The following DPYD variants were observed in gnomAD, a reference collection of about 807,000 sequenced individuals.
DPYD encodes the protein dihydropyrimidine dehydrogenase [NADP(+)].
A neutral mutation model predicts 116.2 loss-of-function variants in DPYD; 109 were observed. The observed-to-expected ratio is 0.94, with a 90% CI of 0.80 to 1.10. DPYD has a LOEUF of 1.10. Ranked by LOEUF, DPYD falls within the 50% of genes least tolerant of loss-of-function variation. The pLI is 0.00. For missense variants in DPYD, 1,302 were observed against 1,254.5 expected (o/e 1.04, Z -0.57); for synonymous variants, 440 against 432.0 (o/e 1.02, Z -0.23).
At chr1:97,116,977 C>G (rs977574158) in intron 20 of DPYD, among the ~76,000 whole-genome samples, 2 of 139,664 alleles carry the variant, frequency 1.4e-5, no homozygotes, top group Middle Eastern at 3.8e-3. Flanking sequence ...GGCGAAACCC[C>G]ATGTCTACTA....
rs76954447 is a variant in DPYD at position 97,532,828 on chromosome 1, C to A, written c.1524+16732G>T. 4.9e-3 allele frequency among the ~76,000 whole-genome samples: 731 copies of A among 149,030 alleles called. 9 individuals carry two copies. Among genetic ancestry groups the A allele is most frequent in the African/African-American group, 0.017 (687 of 40,738 alleles). On this transcript the variant is annotated intron_variant, in intron 12 of 22. Coordinates refer to ENST00000370192, the MANE Select transcript of DPYD (RefSeq NM_000110.4). Reference sequence around the variant, plus strand: ...AATTCTTAATTTTGTTGATTTTGTTCTATTGTATTTTTATTCATTTTATCA... The same window carrying A: ...AATTCTTAATTTTGTTGATTTTGTTATATTGTATTTTTATTCATTTTATCA...
chr1:97,361,191 C>G (rs1670705745), intron 16 of DPYD, among the ~76,000 whole-genome samples: 1 of 152,174 alleles, frequency 6.6e-6, no homozygotes, highest in South Asian at 2.1e-4. Flanking sequence ...ACCAAGTAAA[C>G]TAGAAAATCT....
At chr1:97,610,112 A>T (rs1270234864) in intron 8 of DPYD, among the ~76,000 whole-genome samples, 1 of 151,984 alleles carries the variant, frequency 6.6e-6, no homozygotes, top group African/African-American at 2.4e-5. Context: ...TTTCTACATG[A>T]AGGATTCTGC....
At chr1:97,411,362 C>T (rs1673983839) in intron 14 of DPYD, among the ~76,000 whole-genome samples, 1 of 152,032 alleles carries the variant, frequency 6.6e-6, no homozygotes, top group South Asian at 2.1e-4. Context: ...TGCTCTCCTT[C>T]CTCCCACTTT....
At position 97,655,784 on chromosome 1, in the gene DPYD, T is replaced by C. The variant is rs1478867345; in HGVS notation, c.850+23311A>G. ...AAAAACTGTACACATTTGATATAAA[T>C]TTGAATGAACTCATGTTAGCTTGTG... On this transcript the variant is annotated intron_variant, in intron 8 of 22. Transcript: ENST00000370192. 2.0e-5 allele frequency among the ~76,000 whole-genome samples: 3 copies of C among 152,190 alleles called. No individual in the cohort carries two copies. The East Asian group carries it at 5.8e-4, about 29-fold the overall frequency.
chr1:97,229,946 G>A (rs1441325901), intron 19 of DPYD, among the ~76,000 whole-genome samples: 1 of 151,722 alleles, frequency 6.6e-6, no homozygotes, highest in African/African-American at 2.4e-5. Context: ...TCACAATTCT[G>A]GTAAAAACAA....
chr1:97,809,104 T>G (rs1350397281), intron 3 of DPYD, among the ~76,000 whole-genome samples: 1 of 152,232 alleles, frequency 6.6e-6, no homozygotes, highest in African/African-American at 2.4e-5. Context: ...TAAGTGCAGT[T>G]TGAAATCACT....
chr1:97,438,188 A>G (rs1366399082), intron 14 of DPYD, among the ~76,000 whole-genome samples: 2 of 151,970 alleles, frequency 1.3e-5, no homozygotes, highest in Non-Finnish European at 2.9e-5. Flanking sequence ...GTTCTTTATC[A>G]ATTGTTTTGT....
At chr1:97,779,695 T>C (rs1666624837) in intron 3 of DPYD, among the ~76,000 whole-genome samples, 1 of 152,140 alleles carries the variant, frequency 6.6e-6, no homozygotes, top group Non-Finnish European at 1.5e-5. Context: ...ATCAAGTATA[T>C]AAGAAATCAT....
chr1:97,914,684 G>T (rs547819924), intron 1 of DPYD, among the ~76,000 whole-genome samples: 49 of 152,232 alleles, frequency 3.2e-4, no homozygotes, highest in African/African-American at 1.0e-3. Context: ...TGTACCATCT[G>T]AAACTTACAC....
intron 10 of DPYD, chr1:97,585,733 A>G (rs1237456615): frequency 2.0e-5 from 3 of 152,188 alleles, no homozygotes; most frequent in Non-Finnish European, 4.4e-5. Context: ...TTATAGGACA[A>G]GAAAAGATAT....
chr1:97,259,338 C>G (rs1663718364), intron 18 of DPYD, among the ~76,000 whole-genome samples: 1 of 152,070 alleles, frequency 6.6e-6, no homozygotes, highest in Non-Finnish European at 1.5e-5. Flanking sequence ...CTCCTTTCCT[C>G]TCTTAACAGC....
At chr1:97,088,730 A>T (rs565379040) in intron 21 of DPYD, among the ~76,000 whole-genome samples, 1 of 152,286 alleles carries the variant, frequency 6.6e-6, no homozygotes, top group African/African-American at 2.4e-5. Flanking sequence ...ATTCCAGACA[A>T]GATACACCTT....
chr1:97,512,859 G>C (rs780717344), intron 13 of DPYD, among the ~76,000 whole-genome samples: 1 of 151,654 alleles, frequency 6.6e-6, no homozygotes, highest in Non-Finnish European at 1.5e-5. Context: ...AACATAAATA[G>C]AATCTCAAGA....
intron 8 of DPYD, among the ~76,000 whole-genome samples, chr1:97,619,680 A>C (rs930978881): frequency 6.6e-6 from 1 of 152,184 alleles, no homozygotes; most frequent in African/African-American, 2.4e-5. Context: ...ACTTTGAAAA[A>C]TGTTAGTTTT....
chr1:97,726,676 G>C (rs1663281939), intron 4 of DPYD, among the ~76,000 whole-genome samples: 1 of 151,226 alleles, frequency 6.6e-6, no homozygotes, highest in East Asian at 1.9e-4. Context: ...AATGTGATCT[G>C]CAATTGGTAG....
At chr1:97,207,650 A>G (rs568177868) in intron 19 of DPYD, among the ~76,000 whole-genome samples, 71 of 152,322 alleles carry the variant, frequency 4.7e-4, no homozygotes, top group African/African-American at 1.4e-3. Flanking sequence ...AATCCAATAT[A>G]TACAATGTTC....
At chr1:97,883,035 T>G (rs1672305983) in intron 2 of DPYD, among the ~76,000 whole-genome samples, 1 of 152,094 alleles carries the variant, frequency 6.6e-6, no homozygotes, top group Non-Finnish European at 1.5e-5. Flanking sequence ...ATTATGAATT[T>G]TCAGATTTGG....
intron 10 of DPYD, among the ~76,000 whole-genome samples, chr1:97,577,965 C>G (rs1007081133): frequency 1.3e-5 from 2 of 151,992 alleles, no homozygotes; most frequent in Non-Finnish European, 2.9e-5. Flanking sequence ...CCTGCCTCAG[C>G]CTTCCAAGTA....
Sources: gnomAD v4.1 joint callset for allele counts (sites outside exome capture counted in the v4.1 genomes callset) on GRCh38, gnomAD v4.1.1 for gene constraint, MANE v1.5 for transcripts, NCBI Gene and HGNC (gene_info 2026-07-23, HGNC 2026-07-21) for gene names.